Variants in LCE6A observed in about 807,000 individuals in gnomAD.
The protein encoded by LCE6A is late cornified envelope protein 6A.
For synonymous variants in LCE6A, 38 were observed against 35.2 expected, an observed-to-expected ratio of 1.08 and a Z score of -0.28; for missense variants, 105 against 95.3, an observed-to-expected ratio of 1.10 and a Z score of -0.42.
rs17625219 is a variant in LCE6A at position 152,843,013 on chromosome 1, T to C, written c.-22+2T>C. On this transcript the variant is annotated splice_donor_variant, in intron 1 of 1. Transcript: ENST00000431011. LOFTEE classifies it low-confidence loss of function (5UTR_SPLICE). ...CTTCCCAGGGAGCTGAAAAGCCAGG[T>C]AGGAGATGCTTGGGGTAGAAAGAAG... is the stretch of plus-strand genomic sequence containing the variant. The C allele has an allele frequency of 0.022, 3,365 of 152,516 alleles. 50 individuals carry two copies. The highest frequency in any genetic ancestry group is 0.034 in the Non-Finnish European group (2,340 of 68,324). The allele number at this position is 152,516 out of a possible 1,614,324, so 9.4% of individuals were successfully genotyped here.
Position 152,843,765 on chromosome 1 carries a change from C to A in LCE6A, c.*2C>A, listed in dbSNP as rs1431985956. 6.5e-7 allele frequency: 1 copy of A among 1,544,568 alleles called. No homozygotes were observed. Among genetic ancestry groups the A allele is most frequent in the Admixed American group, 2.0e-5 (1 of 50,282 alleles). On this transcript the variant is annotated 3_prime_UTR_variant, in exon 2 of 2. Transcript: ENST00000431011. ...GAGGAAGAGTGTGAAGGCGACTGAG[C>A]CCAGAAGAGTTGAGGCACAGGTGCA...
Position 152,843,861 on chromosome 1 carries a change from T to C in LCE6A, c.*98T>C. On this transcript the variant is annotated 3_prime_UTR_variant, in exon 2 of 2. Coordinates refer to ENST00000431011, the MANE Select transcript of LCE6A (RefSeq NM_001128600.2). ...AAAGCCAGGCCCTCAACCTCTCATTTGGACTGAGAAACACTTCCTGATCCC... is the reference window on the plus strand; with the variant it reads ...AAAGCCAGGCCCTCAACCTCTCATTCGGACTGAGAAACACTTCCTGATCCC... 7.2e-7 allele frequency: 1 copy of C among 1,382,956 alleles called. No individual in the cohort carries two copies. The highest frequency in any genetic ancestry group is 9.6e-7 in the Non-Finnish European group (1 of 1,038,912). The allele number at this position is 1,382,956 out of a possible 1,614,324, so 85.7% of individuals were successfully genotyped here.
rs1177147425 is a variant in LCE6A at position 152,843,572 on chromosome 1, T to G, written c.52T>G (p.Ser18Ala). Reference sequence around the variant, plus strand: ...GAAGCCTCCAAATGTTCCCAAATGCTCCCCTCCCCAAAGATCAAACCCCTG... The same window carrying G: ...GAAGCCTCCAAATGTTCCCAAATGCGCCCCTCCCCAAAGATCAAACCCCTG... ...SWKPPNVPKC[S>A]PPQRSNPCLA... The change falls in exon 2 of 2, where the codon TCC becomes GCC. Residue 18 changes from serine (S) to alanine (A), a missense_variant. Transcript: ENST00000431011. 4.5e-6 allele frequency: 7 copies of G among 1,549,888 alleles called. No homozygotes were observed. The highest frequency in any genetic ancestry group is 6.1e-6 in the Non-Finnish European group (7 of 1,146,334).
chr1:152,843,369 T>C (rs890260180), intron 1 of LCE6A, 131 bp from the exon 2 acceptor site: 1 of 734,014 alleles, frequency 1.4e-6, no homozygotes, highest in Non-Finnish European at 2.1e-6. Context: ...TTCAAGTCCG[T>C]TTTTCTCCTC....
In LCE6A at chr1:152,843,737, AAAGAGG is replaced by A. The variant is rs1647921173; in HGVS notation, c.223_228del (p.Glu75_Glu76del). On this transcript the variant is annotated inframe_deletion, in exon 2 of 2. Transcript: ENST00000431011. Reference sequence around the variant, plus strand: ...AAGTAGGGGCACAACCTACCACTGCAAAGAGGAAGAGTGTGAAGGCGACTGAGCCCA... The same window carrying A: ...AAGTAGGGGCACAACCTACCACTGCAAAGAGTGTGAAGGCGACTGAGCCCA... The A allele has an allele frequency of 6.4e-7, 1 of 1,551,002 alleles. No homozygotes were observed. The highest frequency in any genetic ancestry group is 8.7e-7 in the Non-Finnish European group (1 of 1,146,652).
chr1:152,843,619 T>A lies in LCE6A; in HGVS notation c.99T>A (p.Pro33=), dbSNP rs371694865. ...CCTGCCTAGCTCCCTACTCGACTCCTTGTGGTGCTCCCCATTCAGAAGGTT... is the reference window on the plus strand; with the variant it reads ...CCTGCCTAGCTCCCTACTCGACTCCATGTGGTGCTCCCCATTCAGAAGGTT... ...SNPCLAPYST[P]CGAPHSEGCH... is the part of the protein sequence containing the mutation. The change falls in exon 2 of 2, where the codon CCT becomes CCA. Residue 33 remains proline, a synonymous_variant. Coordinates refer to ENST00000431011, the MANE Select transcript of LCE6A (RefSeq NM_001128600.2). 16 of 1,551,612 alleles carry A rather than the reference T, an allele frequency of 1.0e-5. No homozygotes were observed. The East Asian group carries it at 3.9e-4, about 38-fold the overall frequency.
At chr1:152,843,401 T>G in intron 1 of LCE6A, 99 bp from the exon 2 acceptor site, 15 of 1,079,452 alleles carry the variant, frequency 1.4e-5, no homozygotes, top group Non-Finnish European at 2.0e-5. Context: ...TTCAGTGGGT[T>G]GTAAATGCTG....
Position 152,843,781 on chromosome 1 carries a change from C to A in LCE6A, c.*18C>A. On this transcript the variant is annotated 3_prime_UTR_variant, in exon 2 of 2. Transcript: ENST00000431011. ...GCGACTGAGCCCAGAAGAGTTGAGG[C>A]ACAGGTGCAGTTACTCTCTCCCTGC... 1 of 1,535,342 alleles carries A rather than the reference C, an allele frequency of 6.5e-7. No homozygotes were observed. The highest frequency in any genetic ancestry group is 8.8e-7 in the Non-Finnish European group (1 of 1,137,876).
rs1363265826 is a variant in LCE6A at position 152,843,645 on chromosome 1, G to A, written c.125G>A (p.Cys42Tyr). ...TGTGGTGCTCCCCATTCAGAAGGTTGTCATTCCAGTTCCCAAAGGCCTGAG... is the reference window on the plus strand; with the variant it reads ...TGTGGTGCTCCCCATTCAGAAGGTTATCATTCCAGTTCCCAAAGGCCTGAG... ...TPCGAPHSEG[C>Y]HSSSQRPEVQ... The change falls in exon 2 of 2, where the codon TGT becomes TAT. Residue 42 changes from cysteine to tyrosine, a missense_variant. Transcript: ENST00000431011. 1 of 1,551,390 alleles carries A rather than the reference G, an allele frequency of 6.4e-7. No homozygotes were observed. The highest frequency in any genetic ancestry group is 2.4e-5 in the East Asian group (1 of 40,922).
Position 152,843,785 on chromosome 1 carries a change from G to C in LCE6A, c.*22G>C, listed in dbSNP as rs978754200. ...CTGAGCCCAGAAGAGTTGAGGCACA[G>C]GTGCAGTTACTCTCTCCCTGCCCCA... On this transcript the variant is annotated 3_prime_UTR_variant, in exon 2 of 2. Transcript: ENST00000431011. The C allele has an allele frequency of 6.5e-7, 1 of 1,530,472 alleles. No individual in the cohort carries two copies. Among genetic ancestry groups the C allele is most frequent in the African/African-American group, 1.4e-5 (1 of 72,392 alleles). 94.8% of individuals were successfully genotyped at this position (1,530,472 alleles called of 1,614,324 possible).
rs1647909358 is a variant in LCE6A, at chr1:152,843,563, C to T, written c.43C>T (p.Pro15Ser). 3 of 1,550,012 alleles carry T rather than the reference C, an allele frequency of 1.9e-6. No individual in the cohort carries two copies. The highest frequency in any genetic ancestry group is 2.6e-6 in the Non-Finnish European group (3 of 1,146,216). ...GCAATCTTGGAAGCCTCCAAATGTT[C>T]CCAAATGCTCCCCTCCCCAAAGATC... Reference protein sequence around the residue: ...KQQSWKPPNVPKCSPPQRSNP... With the variant: ...KQQSWKPPNVSKCSPPQRSNP... The change falls in exon 2 of 2, where the codon CCC (proline) becomes TCC (serine). Residue 15 changes from proline (P) to serine (S), a missense_variant. Physicochemically the swap from Pro to Ser is moderately conservative, Grantham distance 74 (BLOSUM62 -1). Coordinates refer to ENST00000431011, the MANE Select transcript of LCE6A (RefSeq NM_001128600.2).
In LCE6A at chr1:152,843,720, G is replaced by T; in HGVS notation, c.200G>T (p.Gly67Val). The change falls in exon 2 of 2, where the codon GGC becomes GTC. Residue 67 changes from glycine (G) to valine (V), a missense_variant. Gly to Val is a moderately radical substitution (Grantham distance 109, BLOSUM62 -3). Coordinates refer to ENST00000431011, the MANE Select transcript of LCE6A (RefSeq NM_001128600.2). ...ARQKLRCLSR[G>V]TTYHCKEEEC... The stretch of plus-strand genomic sequence containing the variant: ...CAAAAGCTGCGCTGCCTAAGTAGGG[G>T]CACAACCTACCACTGCAAAGAGGAA... 6.4e-7 allele frequency: 1 copy of T among 1,551,368 alleles called. No homozygotes were observed. Among genetic ancestry groups the T allele is most frequent in the Non-Finnish European group, 8.7e-7 (1 of 1,146,778 alleles).
At chr1:152,843,350 T>C in intron 1 of LCE6A, 150 bp from the exon 2 acceptor site, 1 of 585,526 alleles carries the variant, frequency 1.7e-6, no homozygotes, top group Non-Finnish European at 2.9e-6. Context: ...CTCCCAAATA[T>C]TTAGTCCTTT....
Position 152,843,797 on chromosome 1 carries a change from C to G in LCE6A, c.*34C>G. Reference sequence around the variant, plus strand: ...GAGTTGAGGCACAGGTGCAGTTACTCTCTCCCTGCCCCACCTTTGGGTACT... The same window carrying G: ...GAGTTGAGGCACAGGTGCAGTTACTGTCTCCCTGCCCCACCTTTGGGTACT... On this transcript the variant is annotated 3_prime_UTR_variant, in exon 2 of 2. Transcript: ENST00000431011. 1 of 1,514,294 alleles carries G rather than the reference C, an allele frequency of 6.6e-7. No homozygotes were observed. Among genetic ancestry groups the G allele is most frequent in the Non-Finnish European group, 8.9e-7 (1 of 1,127,476 alleles). 93.8% of individuals were successfully genotyped at this position (1,514,294 alleles called of 1,614,324 possible).
intron 1 of LCE6A, 47 bp from the exon 2 acceptor site, chr1:152,843,453 A>T: frequency 6.9e-7 from 1 of 1,444,440 alleles, no homozygotes; most frequent in Non-Finnish European, 9.2e-7. Flanking sequence ...GGAGAGAAAC[A>T]GAAGCCCAAG....
chr1:152,843,527 C>T lies in LCE6A; in HGVS notation c.7C>T (p.Gln3Ter). The change falls in exon 2 of 2, where the codon CAG becomes TAG. Residue 3 changes from glutamine (Q) to a stop codon, truncating the protein, a stop_gained. Transcript: ENST00000431011. LOFTEE classifies it low-confidence loss of function (END_TRUNC). ...TCGACCTGGTAGCCAAGCAATGTCACAGCAGAAGCAGCAATCTTGGAAGCC... is the reference window on the plus strand; with the variant it reads ...TCGACCTGGTAGCCAAGCAATGTCATAGCAGAAGCAGCAATCTTGGAAGCC... MS[Q>*]QKQQSWKPPN... 1 of 1,534,826 alleles carries T rather than the reference C, an allele frequency of 6.5e-7. No individual in the cohort carries two copies. Among genetic ancestry groups the T allele is most frequent in the Non-Finnish European group, 8.8e-7 (1 of 1,138,828 alleles).
chr1:152,843,468 C>T, intron 1 of LCE6A, 32 bp from the exon 2 acceptor site: 1 of 1,464,068 alleles, frequency 6.8e-7, no homozygotes, highest in Non-Finnish European at 9.1e-7. Flanking sequence ...CCCAAGCTGC[C>T]TGGGTCCCTG....
chr1:152,843,509 G>C lies in LCE6A; in HGVS notation c.-12G>C. On this transcript the variant is annotated 5_prime_UTR_variant, in exon 2 of 2. Coordinates refer to ENST00000431011, the MANE Select transcript of LCE6A (RefSeq NM_001128600.2). ...ACTATTTTTCTTCCAGATTCGACCT[G>C]GTAGCCAAGCAATGTCACAGCAGAA... 3 of 1,514,564 alleles carry C rather than the reference G, an allele frequency of 2.0e-6. No individual in the cohort carries two copies. Among genetic ancestry groups the C allele is most frequent in the Non-Finnish European group, 1.8e-6 (2 of 1,128,260 alleles). The allele number at this position is 1,514,564 out of a possible 1,614,324, so 93.8% of individuals were successfully genotyped here.
chr1:152,843,593 C>G lies in LCE6A; in HGVS notation c.73C>G (p.Pro25Ala), dbSNP rs1647911510. Residue 25 changes from proline (P) to alanine (A), a missense_variant, in exon 2 of 2, where the codon CCC (proline) becomes GCC (alanine). Transcript: ENST00000431011. ...PKCSPPQRSN[P>A]CLAPYSTPCG... Reference sequence around the variant, plus strand: ...ATGCTCCCCTCCCCAAAGATCAAACCCCTGCCTAGCTCCCTACTCGACTCC... The same window carrying G: ...ATGCTCCCCTCCCCAAAGATCAAACGCCTGCCTAGCTCCCTACTCGACTCC... 6.4e-7 allele frequency: 1 copy of G among 1,551,404 alleles called. No individual in the cohort carries two copies. Among genetic ancestry groups the G allele is most frequent in the African/African-American group, 1.4e-5 (1 of 73,098 alleles).
Sources: gnomAD v4.1 joint callset for allele counts on GRCh38, gnomAD v4.1.1 for gene constraint, MANE v1.5 for transcripts, NCBI Gene and HGNC (gene_info 2026-07-23, HGNC 2026-07-21) for gene names.